The following DEPTOR variants were observed in gnomAD, a reference collection of about 807,000 sequenced individuals.
The protein encoded by DEPTOR is DEP domain-containing mTOR-interacting protein.
DEPTOR carries 41 observed loss-of-function variants against 41.6 expected under a neutral mutation model. That is an observed-to-expected ratio of 0.98 (90% CI 0.77 to 1.28). The LOEUF (loss-of-function observed/expected upper bound fraction) is 1.28. DEPTOR is among the 50% of genes most tolerant of loss of function. DEPTOR has a pLI of 0.00. For missense variants in DEPTOR, 514 were observed against 527.9 expected, an observed-to-expected ratio of 0.97 and a Z score of 0.26; for synonymous variants, 195 against 192.3, an observed-to-expected ratio of 1.01 and a Z score of -0.12.
intron 3 of DEPTOR, among the ~76,000 whole-genome samples, chr8:119,945,481 T>C (rs1464837324): frequency 6.6e-6 from 1 of 152,200 alleles, no homozygotes; most frequent in East Asian, 1.9e-4. Context: ...AATTTACAAA[T>C]AAGGAAGGTT....
At chr8:119,948,549 T>A (rs1046430238) in intron 3 of DEPTOR, among the ~76,000 whole-genome samples, 10 of 152,122 alleles carry the variant, frequency 6.6e-5, no homozygotes, top group Non-Finnish European at 1.5e-4. Context: ...TACCATACAA[T>A]TCGCCTATTT....
chr8:120,032,889 C>T (rs1266337182), intron 8 of DEPTOR, among the ~76,000 whole-genome samples: 2 of 152,098 alleles, frequency 1.3e-5, no homozygotes, highest in African/African-American at 2.4e-5. Context: ...CCAAAAAGCT[C>T]CACCTTCTTA....
At chr8:120,017,624 G>C (rs113239044) in intron 8 of DEPTOR, among the ~76,000 whole-genome samples, 91 of 152,256 alleles carry the variant, frequency 6.0e-4, no homozygotes, top group African/African-American at 1.9e-3. Context: ...ATCTAGCAGG[G>C]TCATCCAAGT....
At chr8:120,003,524 C>T (rs1173716212) in intron 6 of DEPTOR, among the ~76,000 whole-genome samples, 2 of 152,110 alleles carry the variant, frequency 1.3e-5, no homozygotes, top group African/African-American at 2.4e-5. Context: ...TTAGCACTCT[C>T]GGAGCTGGGA....
intron 5 of DEPTOR, among the ~76,000 whole-genome samples, 184 bp from the exon 6 acceptor site, chr8:120,002,792 AT>A (rs1187449176): frequency 0.012 from 290 of 24,376 alleles, 10 homozygotes; most frequent in East Asian, 0.048. Context: ...AAAAAAAAAA[AT>A]ATATATATAT....
At chr8:119,980,453 TTTTTC>T (rs57896097) in intron 4 of DEPTOR, among the ~76,000 whole-genome samples, 15,549 of 110,610 alleles carry the variant, frequency 0.14, 1,132 homozygotes, top group East Asian at 0.23. Context: ...TCATTTTTCT[TTTTTC>T]TTTTCTTTTC....
intron 1 of DEPTOR, among the ~76,000 whole-genome samples, chr8:119,898,119 G>A (rs749489079): frequency 5.3e-5 from 8 of 152,112 alleles, no homozygotes; most frequent in Non-Finnish European, 1.0e-4. Context: ...ACTGATTTAC[G>A]TATTGTCTAC....
At chr8:119,874,780 T>A (rs906912966) in intron 1 of DEPTOR, among the ~76,000 whole-genome samples, 6 of 152,112 alleles carry the variant, frequency 3.9e-5, no homozygotes, top group Non-Finnish European at 5.9e-5. Context: ...CCCATCCCTG[T>A]ATGGTCCTTC....
intron 8 of DEPTOR, among the ~76,000 whole-genome samples, chr8:120,043,191 A>G (rs923669379): frequency 1.3e-5 from 2 of 151,814 alleles, no homozygotes; most frequent in East Asian, 1.9e-4. Flanking sequence ...CCCATCACCC[A>G]TGGTCTCAAA....
rs1484212262 is a variant in DEPTOR, at chr8:119,894,498, G to A, written c.122+20530G>A. On this transcript the variant is annotated intron_variant, in intron 1 of 8. Transcript: ENST00000286234. Reference sequence around the variant, plus strand: ...TGCAAGCTCCGCCTCCTGGGTTCACGGCATTCTCCTGCCTCAGCCTCCCAA... The same window carrying A: ...TGCAAGCTCCGCCTCCTGGGTTCACAGCATTCTCCTGCCTCAGCCTCCCAA... Among the ~76,000 whole-genome samples the A allele has an allele frequency of 3.3e-5, 5 of 151,728 alleles. No individual in the cohort carries two copies. In the East Asian group the frequency reaches 7.8e-4, roughly 24 times the overall value.
At chr8:120,010,460 C>CA (rs1812513266) in intron 8 of DEPTOR, among the ~76,000 whole-genome samples, 1 of 151,534 alleles carries the variant, frequency 6.6e-6, no homozygotes, top group South Asian at 2.1e-4. Flanking sequence ...ACTAAAGATA[C>CA]AAAAAATTAG....
chr8:119,894,676 G>A lies in DEPTOR; in HGVS notation c.122+20708G>A, dbSNP rs111888038. Among the ~76,000 whole-genome samples, 9 of 152,264 alleles carry A rather than the reference G, an allele frequency of 5.9e-5. No individual in the cohort carries two copies. The East Asian group carries it at 9.7e-4, about 16-fold the overall frequency. ...CTCCCAAAGTGCTAAGATTACAGGC[G>A]TGAGCCAACGCGCCTGGCCTCTAAT... On this transcript the variant is annotated intron_variant, in intron 1 of 8. Coordinates refer to ENST00000286234, the MANE Select transcript of DEPTOR (RefSeq NM_022783.4).
chr8:120,011,984 G>A (rs553555918), intron 8 of DEPTOR, among the ~76,000 whole-genome samples: 5 of 152,196 alleles, frequency 3.3e-5, no homozygotes, highest in African/African-American at 7.2e-5. Flanking sequence ...GATCAAAGCA[G>A]TTTTAAACTG....
chr8:119,909,322 T>G (rs1236489184), intron 1 of DEPTOR, among the ~76,000 whole-genome samples: 1 of 152,212 alleles, frequency 6.6e-6, no homozygotes, highest in Non-Finnish European at 1.5e-5. Context: ...AGATAACTGA[T>G]GAAATCTTTA....
rs1554588825 is a variant in DEPTOR, at chr8:120,050,313, G to GGA, written c.*609_*610insGA. ...ATACAGGTTTCAATTGTGGCATTAG[G>GGA]AAAAAAAAAAACCTTGTGATGCTAT... On this transcript the variant is annotated 3_prime_UTR_variant, in exon 9 of 9. Coordinates refer to ENST00000286234, the MANE Select transcript of DEPTOR (RefSeq NM_022783.4). The GGA allele has an allele frequency of 6.7e-6, 1 of 148,486 alleles. No homozygotes were observed. The highest frequency in any genetic ancestry group is 1.5e-5 in the Non-Finnish European group (1 of 66,996). The allele number at this position is 148,486 out of a possible 1,614,324, so 9.2% of individuals were successfully genotyped here.
intron 4 of DEPTOR, among the ~76,000 whole-genome samples, chr8:119,992,044 G>GA (rs1812181498): frequency 6.6e-6 from 1 of 152,170 alleles, no homozygotes; most frequent in Non-Finnish European, 1.5e-5. Flanking sequence ...TCACCTTCTA[G>GA]AAACACCAAG....
At chr8:119,890,953 A>G (rs1176156778) in intron 1 of DEPTOR, among the ~76,000 whole-genome samples, 1 of 152,212 alleles carries the variant, frequency 6.6e-6, no homozygotes, top group African/African-American at 2.4e-5. Context: ...AGACATATGC[A>G]TTTAGGTACT....
At chr8:119,883,469 G>A (rs1223789170) in intron 1 of DEPTOR, among the ~76,000 whole-genome samples, 3 of 58,348 alleles carry the variant, frequency 5.1e-5, no homozygotes, top group East Asian at 5.2e-4. Flanking sequence ...AGCGAGACTC[G>A]TCTTAAAAAA....
At chr8:119,915,872 T>C (rs1321685464) in intron 1 of DEPTOR, among the ~76,000 whole-genome samples, 1 of 151,006 alleles carries the variant, frequency 6.6e-6, no homozygotes, top group Non-Finnish European at 1.5e-5. Flanking sequence ...TTCTAATCCT[T>C]TAACAAAAGA....
Sources: gnomAD v4.1 joint callset for allele counts (sites outside exome capture counted in the v4.1 genomes callset) on GRCh38, gnomAD v4.1.1 for gene constraint, MANE v1.5 for transcripts, NCBI Gene and HGNC (gene_info 2026-07-23, HGNC 2026-07-21) for gene names.